The following FSTL5 variants were observed in gnomAD, a reference collection of about 807,000 sequenced individuals.
FSTL5 encodes the protein follistatin like 5, also known as follistatin-related protein 5.
A neutral mutation model predicts 89.1 loss-of-function variants in FSTL5; 62 were observed. The observed-to-expected ratio is 0.70, with a 90% CI of 0.57 to 0.86. The LOEUF is 0.86. Ranked by LOEUF, FSTL5 falls within the 40% of genes least tolerant of loss-of-function variation. The pLI, the probability that FSTL5 is intolerant of heterozygous loss-of-function variation, is 0.00. For synonymous variants in FSTL5, 383 were observed against 346.2 expected, an observed-to-expected ratio of 1.11 and a Z score of -1.18; for missense variants, 1,057 against 1,001.6, an observed-to-expected ratio of 1.06 and a Z score of -0.75.
At chr4:161,588,630 G>A (rs985487911) in intron 7 of FSTL5, among the ~76,000 whole-genome samples, 1 of 152,072 alleles carries the variant, frequency 6.6e-6, no homozygotes, top group Non-Finnish European at 1.5e-5. Flanking sequence ...ATTTTTTTCA[G>A]AATTCTGGAA....
chr4:161,634,228 G>T (rs898429631), intron 7 of FSTL5, among the ~76,000 whole-genome samples: 5 of 152,172 alleles, frequency 3.3e-5, no homozygotes, highest in Non-Finnish European at 5.9e-5. Flanking sequence ...GTGAACAGGA[G>T]AGATAATAAT....
At chr4:161,435,449 G>T (rs1732525451) in intron 15 of FSTL5, among the ~76,000 whole-genome samples, 1 of 151,516 alleles carries the variant, frequency 6.6e-6, no homozygotes, top group Non-Finnish European at 1.5e-5. Context: ...AGGGGAAGAG[G>T]GAGAAGTGGG....
chr4:161,485,387 A>G (rs1320245658), intron 12 of FSTL5, among the ~76,000 whole-genome samples: 1 of 152,210 alleles, frequency 6.6e-6, no homozygotes, highest in Non-Finnish European at 1.5e-5. Flanking sequence ...CTGATTGCCT[A>G]ATTACTATCA....
At chr4:161,403,370 G>C (rs1731251698) in intron 15 of FSTL5, among the ~76,000 whole-genome samples, 2 of 152,142 alleles carry the variant, frequency 1.3e-5, no homozygotes, top group Admixed American at 6.5e-5. Context: ...AAATTAAAAA[G>C]TCTGAAAAGG....
chr4:161,842,829 C>G (rs1251651299), intron 4 of FSTL5, among the ~76,000 whole-genome samples: 1 of 152,070 alleles, frequency 6.6e-6, no homozygotes, highest in East Asian at 1.9e-4. Flanking sequence ...TAAGACATGA[C>G]AATCCTTTGC....
chr4:161,756,148 A>T (rs1740559538), intron 6 of FSTL5, among the ~76,000 whole-genome samples: 1 of 152,088 alleles, frequency 6.6e-6, no homozygotes, highest in South Asian at 2.1e-4. Flanking sequence ...AAGAATATGG[A>T]AATATTTCCC....
chr4:161,501,429 A>G (rs1245437071), intron 11 of FSTL5, among the ~76,000 whole-genome samples: 2 of 152,032 alleles, frequency 1.3e-5, no homozygotes, highest in African/African-American at 4.8e-5. Context: ...GTATCCATAT[A>G]TTCCTAAGAT....
At chr4:161,915,539 T>C (rs935435391) in intron 4 of FSTL5, among the ~76,000 whole-genome samples, 1 of 152,188 alleles carries the variant, frequency 6.6e-6, no homozygotes, top group Admixed American at 6.5e-5. Context: ...GGTAAACATA[T>C]AAAATATGTA....
At chr4:161,463,431 A>G (rs913270210) in intron 13 of FSTL5, among the ~76,000 whole-genome samples, 1 of 152,218 alleles carries the variant, frequency 6.6e-6, no homozygotes, top group African/African-American at 2.4e-5. Context: ...ATTTTATACA[A>G]GAAACATTTA....
intron 11 of FSTL5, among the ~76,000 whole-genome samples, chr4:161,502,301 AC>A (rs1157496871): frequency 6.6e-6 from 1 of 151,924 alleles, no homozygotes; most frequent in African/African-American, 2.4e-5. Flanking sequence ...TCCACTAAAT[AC>A]CACTTAATCC....
intron 8 of FSTL5, among the ~76,000 whole-genome samples, chr4:161,576,535 A>T (rs1431246573): frequency 6.6e-6 from 1 of 152,198 alleles, no homozygotes; most frequent in African/African-American, 2.4e-5. Flanking sequence ...CAGCCATCTG[A>T]TCTTCGACAA....
At chr4:161,604,093 A>G (rs1332200123) in intron 7 of FSTL5, among the ~76,000 whole-genome samples, 2 of 152,118 alleles carry the variant, frequency 1.3e-5, no homozygotes, top group African/African-American at 4.8e-5. Flanking sequence ...CCAATAATGT[A>G]ATTTCTCATT....
intron 8 of FSTL5, among the ~76,000 whole-genome samples, chr4:161,583,261 C>A (rs965314856): frequency 6.6e-6 from 1 of 152,068 alleles, no homozygotes; most frequent in Admixed American, 6.6e-5. Context: ...CCCCTTCCTC[C>A]CTCTTCCTGT....
chr4:161,516,991 C>T (rs115515452), intron 10 of FSTL5, among the ~76,000 whole-genome samples: 1 of 152,028 alleles, frequency 6.6e-6, no homozygotes, highest in Non-Finnish European at 1.5e-5. Context: ...CCTGTTCAAG[C>T]GATTCTTGTG....
At chr4:161,873,265 GGT>G in intron 4 of FSTL5, among the ~76,000 whole-genome samples, 1 of 151,764 alleles carries the variant, frequency 6.6e-6, no homozygotes, top group East Asian at 1.9e-4. Flanking sequence ...ATAGTTGCTT[GGT>G]GCATTTATAA....
chr4:161,539,749 C>T (rs563380357), intron 9 of FSTL5, among the ~76,000 whole-genome samples: 194 of 152,002 alleles, frequency 1.3e-3, no homozygotes, highest in African/African-American at 4.5e-3. Flanking sequence ...ACAAAAAAAC[C>T]CACCTTTATT....
intron 10 of FSTL5, among the ~76,000 whole-genome samples, chr4:161,515,924 TGTCAG>T (rs1560933254): frequency 6.6e-6 from 1 of 151,788 alleles, no homozygotes; most frequent in Non-Finnish European, 1.5e-5. Context: ...ATTTGATATA[TGTCAG>T]GTTGATTTCC....
At chr4:161,869,507 G>A (rs1732194811) in intron 4 of FSTL5, among the ~76,000 whole-genome samples, 3 of 152,152 alleles carry the variant, frequency 2.0e-5, no homozygotes, top group African/African-American at 7.2e-5. Context: ...CCAGCTCTAG[G>A]TAGAGATTAT....
At chr4:161,466,585 C>T (rs17041105) in intron 13 of FSTL5, among the ~76,000 whole-genome samples, 8,128 of 152,090 alleles carry the variant, frequency 0.053, 605 homozygotes, top group African/African-American at 0.17. Flanking sequence ...ACAATAAGCC[C>T]CTTCTGCATC....
Sources: gnomAD v4.1 joint callset for allele counts (sites outside exome capture counted in the v4.1 genomes callset) on GRCh38, gnomAD v4.1.1 for gene constraint, MANE v1.5 for transcripts, NCBI Gene and HGNC (gene_info 2026-07-23, HGNC 2026-07-21) for gene names.